Variants in VAV3 observed in about 807,000 individuals in gnomAD.
The protein encoded by VAV3 is vav guanine nucleotide exchange factor 3, also known as guanine nucleotide exchange factor VAV3.
A neutral mutation model predicts 131.2 loss-of-function variants in VAV3; 94 were observed. The observed-to-expected ratio is 0.72, with a 90% CI of 0.61 to 0.85. VAV3 has a LOEUF of 0.85. Among genes scored for constraint, VAV3 ranks in the 40% least tolerant of loss-of-function variants. The pLI is 0.00. For synonymous variants in VAV3, 349 were observed against 342.0 expected, an observed-to-expected ratio of 1.02 and a Z score of -0.22; for missense variants, 939 against 1,002.7, an observed-to-expected ratio of 0.94 and a Z score of 0.86.
intron 2 of VAV3, among the ~76,000 whole-genome samples, chr1:107,825,927 C>T (rs1049896439): frequency 2.6e-5 from 4 of 152,114 alleles, no homozygotes; most frequent in African/African-American, 9.7e-5. Context: ...ATTGTAAATC[C>T]CTATCTATAC....
At chr1:107,922,930 C>T (rs1243912567) in intron 1 of VAV3, among the ~76,000 whole-genome samples, 6 of 138,406 alleles carry the variant, frequency 4.3e-5, no homozygotes, top group South Asian at 2.3e-4. Context: ...CCAGCCTGGG[C>T]GACAGAGCGA....
In VAV3 at chr1:107,725,468, C is replaced by T. The variant is rs75908656; in HGVS notation, c.1503-20407G>A. ...CGTCTACACAATACTAAGCATTTAC[C>T]GGCTTTTGACCAAACTTTTGAAGAG... On this transcript the variant is annotated intron_variant, in intron 15 of 26. Coordinates refer to ENST00000370056, the MANE Select transcript of VAV3 (RefSeq NM_006113.5). Among the ~76,000 whole-genome samples, 824 of 152,204 alleles carry T rather than the reference C, an allele frequency of 5.4e-3. 3 individuals are homozygous for T. Among genetic ancestry groups the T allele is most frequent in the African/African-American group, 0.019 (769 of 41,524 alleles).
intron 1 of VAV3, among the ~76,000 whole-genome samples, chr1:107,885,258 T>C (rs200163484): frequency 1.3e-5 from 2 of 151,668 alleles, no homozygotes; most frequent in Admixed American, 1.3e-4. Context: ...TCGCTTTTAT[T>C]TTTTATTTTT....
At chr1:107,662,952 T>G (rs959910822) in intron 19 of VAV3, among the ~76,000 whole-genome samples, 1 of 152,196 alleles carries the variant, frequency 6.6e-6, no homozygotes, top group East Asian at 1.9e-4. Flanking sequence ...CTCGGGCTGC[T>G]CCAGGCTGGT....
intron 19 of VAV3, among the ~76,000 whole-genome samples, chr1:107,675,634 C>T (rs1173046806): frequency 2.0e-5 from 3 of 152,188 alleles, no homozygotes; most frequent in African/African-American, 7.2e-5. Context: ...GCTGTATCAT[C>T]TGGCTCTCCC....
At chr1:107,842,910 T>C (rs956020461) in intron 2 of VAV3, among the ~76,000 whole-genome samples, 3 of 152,172 alleles carry the variant, frequency 2.0e-5, no homozygotes, top group Non-Finnish European at 4.4e-5. Flanking sequence ...TTCATTAATA[T>C]GGAAATATTA....
chr1:107,944,436 A>G (rs2101290742), intron 1 of VAV3, among the ~76,000 whole-genome samples: 1 of 152,336 alleles, frequency 6.6e-6, no homozygotes, highest in South Asian at 2.1e-4. Context: ...ACAGGTAAAC[A>G]TGAGATACAG....
intron 1 of VAV3, among the ~76,000 whole-genome samples, chr1:107,953,083 G>A (rs537847061): frequency 6.6e-6 from 1 of 152,198 alleles, no homozygotes; most frequent in African/African-American, 2.4e-5. Flanking sequence ...CATGCAATTT[G>A]CCATCTATCC....
intron 19 of VAV3, among the ~76,000 whole-genome samples, chr1:107,663,280 G>A (rs1657163491): frequency 6.6e-6 from 1 of 152,126 alleles, no homozygotes; most frequent in African/African-American, 2.4e-5. Flanking sequence ...ACAGGCTTGT[G>A]TAAATCTGGG....
intron 11 of VAV3, among the ~76,000 whole-genome samples, chr1:107,756,062 T>C (rs1423756410): frequency 6.6e-6 from 1 of 152,130 alleles, no homozygotes. Context: ...TCAGGAGAAG[T>C]AAAGGAGAGG....
intron 25 of VAV3, among the ~76,000 whole-genome samples, chr1:107,584,034 G>C (rs1418992064): frequency 2.6e-5 from 4 of 152,114 alleles, no homozygotes; most frequent in Non-Finnish European, 2.9e-5. Context: ...AACCAAAACA[G>C]CATGGTACTG....
chr1:107,589,352 A>C (rs1436361279), intron 25 of VAV3, among the ~76,000 whole-genome samples: 2 of 152,240 alleles, frequency 1.3e-5, no homozygotes, highest in Non-Finnish European at 2.9e-5. Context: ...TGTCCATAAG[A>C]GAAAAGAAGG....
At chr1:107,745,678 T>C (rs954575117) in intron 15 of VAV3, among the ~76,000 whole-genome samples, 1 of 152,234 alleles carries the variant, frequency 6.6e-6, no homozygotes, top group African/African-American at 2.4e-5. Context: ...GAGCCCTAAT[T>C]TAGAGGCTTA....
intron 2 of VAV3, among the ~76,000 whole-genome samples, chr1:107,797,805 T>C (rs1255178370): frequency 1.3e-5 from 2 of 152,206 alleles, no homozygotes; most frequent in African/African-American, 4.8e-5. Flanking sequence ...TATAGAGCAG[T>C]GTCCTCAAAC....
At chr1:107,697,526 T>G (rs1199073734) in intron 17 of VAV3, among the ~76,000 whole-genome samples, 1 of 152,200 alleles carries the variant, frequency 6.6e-6, no homozygotes. Flanking sequence ...TAAAAAAACA[T>G]TTTCCTGCTT....
chr1:107,575,754 T>A (rs1282455926), intron 25 of VAV3, among the ~76,000 whole-genome samples: 1 of 152,204 alleles, frequency 6.6e-6, no homozygotes, highest in South Asian at 2.1e-4. Context: ...GACTTCTAAG[T>A]TTTTTCTAGT....
intron 1 of VAV3, among the ~76,000 whole-genome samples, chr1:107,956,530 C>T (rs1427502782): frequency 6.6e-6 from 1 of 152,124 alleles, no homozygotes; most frequent in African/African-American, 2.4e-5. Flanking sequence ...CACTATCACA[C>T]AGCCTTTGGA....
chr1:107,922,240 T>C (rs1377817230), intron 1 of VAV3, among the ~76,000 whole-genome samples: 1 of 152,166 alleles, frequency 6.6e-6, no homozygotes, highest in Admixed American at 6.5e-5. Flanking sequence ...TATATATTTA[T>C]ATAACTGACT....
chr1:107,786,878 A>T (rs1666037590), intron 2 of VAV3, among the ~76,000 whole-genome samples: 1 of 152,188 alleles, frequency 6.6e-6, no homozygotes, highest in Non-Finnish European at 1.5e-5. Context: ...CAAATTCTAG[A>T]GATATCATGT....
Sources: gnomAD v4.1 joint callset for allele counts (sites outside exome capture counted in the v4.1 genomes callset) on GRCh38, gnomAD v4.1.1 for gene constraint, MANE v1.5 for transcripts, NCBI Gene and HGNC (gene_info 2026-07-23, HGNC 2026-07-21) for gene names.